Variants in GALNTL6 observed in about 807,000 individuals in gnomAD.
The protein encoded by GALNTL6 is polypeptide N-acetylgalactosaminyltransferase-like 6.
Under a neutral mutation model 73.7 loss-of-function variants are expected in GALNTL6, and 46 were observed. The observed-to-expected ratio is 0.62, with a 90% confidence interval of 0.49 to 0.80. The LOEUF is 0.80. Ranked by LOEUF, GALNTL6 falls within the 30% of genes least tolerant of loss-of-function variation. The pLI, the probability that GALNTL6 is intolerant of heterozygous loss-of-function variation, is 0.00. For synonymous variants in GALNTL6, 259 were observed against 263.7 expected, an observed-to-expected ratio of 0.98 and a Z score of 0.17; for missense variants, 604 against 755.0, an observed-to-expected ratio of 0.80 and a Z score of 2.34.
intron 5 of GALNTL6, among the ~76,000 whole-genome samples, chr4:172,373,902 C>T (rs1031014397): frequency 6.6e-4 from 100 of 152,256 alleles, no homozygotes; most frequent in African/African-American, 2.2e-3. Flanking sequence ...GAGAAGGCCG[C>T]GCCAGTGTCC....
At chr4:172,960,414 TG>T (rs1440376741) in intron 10 of GALNTL6, among the ~76,000 whole-genome samples, 1 of 151,952 alleles carries the variant, frequency 6.6e-6, no homozygotes, top group Non-Finnish European at 1.5e-5. Context: ...ATTATAGGGT[TG>T]GGGAGCAGAG....
chr4:172,710,971 G>A lies in GALNTL6; in HGVS notation c.554-98390G>A, dbSNP rs116268797. On this transcript the variant is annotated intron_variant, in intron 5 of 12. Transcript: ENST00000506823. The stretch of plus-strand genomic sequence containing the variant: ...CTCTTATAGGTACTGGGGATACAAC[G>A]AACAAGGCCAGCACCAACTGAAATA... Among the ~76,000 whole-genome samples, 507 of 152,144 alleles carry A rather than the reference G, an allele frequency of 3.3e-3. 3 individuals are homozygous for A. Among genetic ancestry groups the A allele is most frequent in the African/African-American group, 0.011 (454 of 41,516 alleles).
intron 5 of GALNTL6, among the ~76,000 whole-genome samples, chr4:172,616,532 C>CTTTT (rs56070364): frequency 2.5e-4 from 29 of 117,386 alleles, no homozygotes; most frequent in African/African-American, 9.1e-4. Context: ...AATCCATACT[C>CTTTT]TTTTTTTTTT....
chr4:172,478,569 C>A (rs1733324770), intron 5 of GALNTL6, among the ~76,000 whole-genome samples: 1 of 151,914 alleles, frequency 6.6e-6, no homozygotes, highest in Non-Finnish European at 1.5e-5. Flanking sequence ...AGGAGAAACC[C>A]TAGGAAACAC....
intron 3 of GALNTL6, among the ~76,000 whole-genome samples, chr4:172,257,014 G>A (rs1156978792): frequency 6.6e-6 from 1 of 151,254 alleles, no homozygotes; most frequent in Non-Finnish European, 1.5e-5. Context: ...TGTACAATTG[G>A]TAAGTAGGGA....
At chr4:172,290,949 A>G (rs1473614477) in intron 3 of GALNTL6, among the ~76,000 whole-genome samples, 1 of 151,982 alleles carries the variant, frequency 6.6e-6, no homozygotes, top group East Asian at 1.9e-4. Flanking sequence ...AGAAGGAGAA[A>G]AAGAGAAAGA....
At chr4:171,816,183 G>C (rs1286949014) in intron 2 of GALNTL6, 1 of 151,948 alleles carries the variant, frequency 6.6e-6, no homozygotes, top group Non-Finnish European at 1.5e-5. Context: ...TGGTAAAACA[G>C]GAAAGGCAAA....
At chr4:172,372,748 T>C (rs1161778180) in intron 5 of GALNTL6, among the ~76,000 whole-genome samples, 1 of 152,184 alleles carries the variant, frequency 6.6e-6, no homozygotes, top group African/African-American at 2.4e-5. Flanking sequence ...TAGATGAGTA[T>C]TTGCTCTCTG....
At chr4:172,126,146 G>GTAACA (rs1733287873) in intron 2 of GALNTL6, among the ~76,000 whole-genome samples, 1 of 152,042 alleles carries the variant, frequency 6.6e-6, no homozygotes, top group South Asian at 2.1e-4. Flanking sequence ...ATGCTTCCCT[G>GTAACA]TAACATAATT....
chr4:171,814,953 AGAG>A lies in GALNTL6; in HGVS notation c.138+236_138+238del, dbSNP rs1489511179. On this transcript the variant is annotated intron_variant, in intron 2 of 12. Coordinates refer to ENST00000506823, the MANE Select transcript of GALNTL6 (RefSeq NM_001034845.3). ...AGAAGGATAAGACAGGTCAAGAAGA[AGAG>A]AAGATAATCTTTCACCATTGGTCTT... The A allele has an allele frequency of 1.3e-4, 76 of 566,020 alleles. 1 individual carries two copies. In the South Asian group the frequency reaches 1.9e-3, roughly 14 times the overall value. The allele number at this position is 566,020 out of a possible 1,614,324, so 35.1% of individuals were successfully genotyped here.
chr4:172,567,837 CA>C (rs149832471), intron 5 of GALNTL6, among the ~76,000 whole-genome samples: 9 of 148,050 alleles, frequency 6.1e-5, no homozygotes, highest in African/African-American at 1.7e-4. Context: ...GACTGTGTCT[CA>C]AAAAAAAAAT....
chr4:172,344,091 C>A (rs1741659926), intron 4 of GALNTL6, among the ~76,000 whole-genome samples: 1 of 152,070 alleles, frequency 6.6e-6, no homozygotes, highest in African/African-American at 2.4e-5. Flanking sequence ...TTTTCTTATT[C>A]TATTTGTGAA....
At chr4:172,557,866 A>C (rs996062270) in intron 5 of GALNTL6, among the ~76,000 whole-genome samples, 1 of 152,150 alleles carries the variant, frequency 6.6e-6, no homozygotes, top group Non-Finnish European at 1.5e-5. Flanking sequence ...GCATATATCT[A>C]CCTATGACCC....
intron 2 of GALNTL6, among the ~76,000 whole-genome samples, chr4:172,022,627 C>T (rs1242914916): frequency 6.6e-6 from 1 of 151,976 alleles, no homozygotes; most frequent in Non-Finnish European, 1.5e-5. Flanking sequence ...CCTTTCATCA[C>T]TATTCACCCT....
chr4:172,842,621 G>A (rs17058962), intron 7 of GALNTL6, among the ~76,000 whole-genome samples: 3,507 of 151,956 alleles, frequency 0.023, 114 homozygotes, highest in African/African-American at 0.078. Context: ...TTTTAGTTTT[G>A]AAAAGACCAC....
At chr4:172,264,549 A>T (rs1370514427) in intron 3 of GALNTL6, among the ~76,000 whole-genome samples, 1 of 76,440 alleles carries the variant, frequency 1.3e-5, no homozygotes, top group African/African-American at 4.5e-5. Context: ...GGCATAATAT[A>T]TGCCAAATAT....
At chr4:172,215,211 A>G (rs936863019) in intron 2 of GALNTL6, among the ~76,000 whole-genome samples, 1 of 152,138 alleles carries the variant, frequency 6.6e-6, no homozygotes, top group African/African-American at 2.4e-5. Flanking sequence ...TTTGAAAAGA[A>G]TGTATATTCT....
intron 7 of GALNTL6, among the ~76,000 whole-genome samples, chr4:172,863,431 C>T (rs1361926281): frequency 6.6e-6 from 1 of 152,168 alleles, no homozygotes; most frequent in Non-Finnish European, 1.5e-5. Context: ...AGGAGCCCAT[C>T]TCTTGCATCA....
chr4:173,012,243 C>T (rs10030102), intron 11 of GALNTL6, among the ~76,000 whole-genome samples: 2,314 of 152,272 alleles, frequency 0.015, 63 homozygotes, highest in African/African-American at 0.049. Flanking sequence ...TCCTCTGGTG[C>T]CCATCTTGTA....
Sources: allele counts gnomAD v4.1 joint callset (sites outside exome capture counted in the v4.1 genomes callset), GRCh38; gene constraint gnomAD v4.1.1; transcripts MANE v1.5; gene names NCBI Gene and HGNC (gene_info 2026-07-23, HGNC 2026-07-21).